PRELID2: variants seen among roughly 807,000 people sequenced by gnomAD.
PRELID2 encodes the protein PRELI domain containing 2.
Under a neutral mutation model 28.4 loss-of-function variants are expected in PRELID2, and 25 were observed. The ratio of observed to expected loss-of-function variants is 0.88; its 90% confidence interval spans 0.64 to 1.23. The LOEUF (loss-of-function observed/expected upper bound fraction) is 1.23. Ranked by LOEUF, PRELID2 falls within the 50% of genes most tolerant of loss-of-function variation. The pLI is 0.00. For missense variants in PRELID2, 201 were observed against 214.4 expected, an observed-to-expected ratio of 0.94 and a Z score of 0.39; for synonymous variants, 76 against 71.6, an observed-to-expected ratio of 1.06 and a Z score of -0.31.
chr5:145,630,818 CT>C (rs1753922978), intron 1 of PRELID2, among the ~76,000 whole-genome samples: 1 of 152,146 alleles, frequency 6.6e-6, no homozygotes, highest in Non-Finnish European at 1.5e-5. Flanking sequence ...ATACATAAAA[CT>C]CCTGGCATTC....
chr5:145,817,421 T>TTATATATATATGTTTATATATA (rs1754429409), intron 4 of PRELID2, among the ~76,000 whole-genome samples: 1 of 103,596 alleles, frequency 9.7e-6, no homozygotes, highest in Non-Finnish European at 2.0e-5. Context: ...TAAGCTAGTT[T>TTATATATATATGTTTATATATA]TATATATATA....
intron 1 of PRELID2, among the ~76,000 whole-genome samples, chr5:145,745,352 TAGAG>T (rs1248284467): frequency 1.3e-5 from 2 of 151,978 alleles, no homozygotes; most frequent in Admixed American, 1.3e-4. Context: ...AATTCGGAAA[TAGAG>T]AGAACACCAC....
chr5:145,331,570 T>G, the PRELID2 span, among the ~76,000 whole-genome samples: 1 of 152,206 alleles, frequency 6.6e-6, no homozygotes, highest in African/African-American at 2.4e-5. Flanking sequence ...AAAGTCTGTT[T>G]TATCAGAGAC....
chr5:145,767,388 T>C (rs1453904662), intron 5 of PRELID2, among the ~76,000 whole-genome samples: 1 of 151,966 alleles, frequency 6.6e-6, no homozygotes. Context: ...ATCCTCCACA[T>C]TCACCACCCT....
chr5:145,583,555 C>G, intron 1 of PRELID2, among the ~76,000 whole-genome samples: 1 of 151,986 alleles, frequency 6.6e-6, no homozygotes, highest in Non-Finnish European at 1.5e-5. Context: ...TCATCTCAGC[C>G]CAAAAGCTTC....
At chr5:145,599,613 A>C (rs1054695446) in intron 1 of PRELID2, among the ~76,000 whole-genome samples, 3 of 152,156 alleles carry the variant, frequency 2.0e-5, no homozygotes, top group Non-Finnish European at 4.4e-5. Flanking sequence ...TATAGATGAT[A>C]AACTCCATGA....
At chr5:145,415,780 C>T in the PRELID2 span, among the ~76,000 whole-genome samples, 2 of 151,932 alleles carry the variant, frequency 1.3e-5, no homozygotes, top group Non-Finnish European at 2.9e-5. Flanking sequence ...ATTTATAGTC[C>T]TTTGGGTATA....
intron 5 of PRELID2, among the ~76,000 whole-genome samples, chr5:145,776,977 C>T (rs1246243966): frequency 3.3e-5 from 5 of 152,134 alleles, no homozygotes; most frequent in Admixed American, 1.3e-4. Flanking sequence ...TTCACAAATC[C>T]TTCACTTGGT....
At chr5:145,327,530 A>C in the PRELID2 span, among the ~76,000 whole-genome samples, 1 of 152,114 alleles carries the variant, frequency 6.6e-6, no homozygotes, top group Non-Finnish European at 1.5e-5. Context: ...AGTATCTTGT[A>C]GGAAGCATAT....
chr5:145,600,440 T>TATAC (rs1753379143), intron 1 of PRELID2, among the ~76,000 whole-genome samples: 1 of 140,670 alleles, frequency 7.1e-6, no homozygotes, highest in Admixed American at 7.0e-5. Context: ...AAAAAATATA[T>TATAC]ATATATATAT....
At chr5:145,600,323 C>G (rs769649455) in intron 1 of PRELID2, among the ~76,000 whole-genome samples, 204 of 150,422 alleles carry the variant, frequency 1.4e-3, no homozygotes, top group Non-Finnish European at 1.4e-3. Flanking sequence ...TATTGCATTG[C>G]TAGGATAGCA....
In PRELID2 at chr5:145,741,238, A is replaced by G. The variant is rs1279905861; in HGVS notation, n.70+23693T>C. 1.1e-3 allele frequency among the ~76,000 whole-genome samples: 125 copies of G among 113,336 alleles called. 1 individual carries two copies. The highest frequency in any genetic ancestry group is 4.2e-3 in the African/African-American group (115 of 27,412). The allele number at this position is 113,336 out of a possible 152,430, so 74.4% of individuals were successfully genotyped here. A position where few individuals can be genotyped will look rare whatever the true frequency, so the allele number is the denominator to read the frequency against. ...ATAAAATATATATATAATATATAAT[A>G]TAAATATATAATATATAAATAATAT... On this transcript the variant is annotated intron_variant and non_coding_transcript_variant, in intron 1 of 2. Coordinates refer to the PRELID2 transcript ENST00000510259.
intron 1 of PRELID2, among the ~76,000 whole-genome samples, chr5:145,635,219 C>T (rs1753984313): frequency 6.6e-6 from 1 of 152,178 alleles, no homozygotes; most frequent in Non-Finnish European, 1.5e-5. Context: ...TCAACTGAAA[C>T]ATAAATTCCT....
intron 1 of PRELID2, among the ~76,000 whole-genome samples, chr5:145,489,174 G>T (rs1200749086): frequency 1.3e-5 from 2 of 152,090 alleles, no homozygotes; most frequent in Non-Finnish European, 2.9e-5. Flanking sequence ...CATTGAATAT[G>T]TATACCATGA....
chr5:145,674,796 A>T (rs1195719538), intron 1 of PRELID2, among the ~76,000 whole-genome samples: 1 of 152,096 alleles, frequency 6.6e-6, no homozygotes, highest in African/African-American at 2.4e-5. Context: ...AAAATACACA[A>T]ATTAGCCAGG....
intron 1 of PRELID2, among the ~76,000 whole-genome samples, chr5:145,497,009 T>A (rs114703710): frequency 0.021 from 3,225 of 152,100 alleles, 112 homozygotes; most frequent in African/African-American, 0.075. Flanking sequence ...ACTACAGGTG[T>A]GTGCCACCAT....
chr5:145,282,492 A>G, the PRELID2 span, among the ~76,000 whole-genome samples: 46 of 152,150 alleles, frequency 3.0e-4, 1 homozygote, highest in South Asian at 9.3e-3. Flanking sequence ...TAATGGGATA[A>G]ATTGACTTCT....
At chr5:145,402,796 G>A in the PRELID2 span, among the ~76,000 whole-genome samples, 1 of 152,178 alleles carries the variant, frequency 6.6e-6, no homozygotes, top group African/African-American at 2.4e-5. Flanking sequence ...ATGTGAGGAG[G>A]AGCAGGCACA....
the PRELID2 span, among the ~76,000 whole-genome samples, chr5:145,418,618 C>A: frequency 2.0e-5 from 3 of 152,084 alleles, no homozygotes; most frequent in African/African-American, 7.2e-5. Flanking sequence ...TTCCACAAAC[C>A]TGACAAAAAC....
Sources: gnomAD v4.1 joint callset for allele counts (sites outside exome capture counted in the v4.1 genomes callset) on GRCh38, gnomAD v4.1.1 for gene constraint, MANE v1.5 for transcripts, NCBI Gene and HGNC (gene_info 2026-07-23, HGNC 2026-07-21) for gene names.